Variants in RIC8B observed in about 807,000 individuals in gnomAD.
RIC8B encodes the protein chaperone Ric-8B.
A neutral mutation model predicts 57.5 loss-of-function variants in RIC8B; 16 were observed. That is an observed-to-expected ratio of 0.28 (90% confidence interval 0.19 to 0.42). RIC8B has a LOEUF of 0.42. Among genes scored for constraint, RIC8B ranks in the 10% least tolerant of loss-of-function variants. The pLI is 1.00. For missense variants in RIC8B, 481 were observed against 677.0 expected, an observed-to-expected ratio of 0.71 and a Z score of 3.21; for synonymous variants, 216 against 250.8, an observed-to-expected ratio of 0.86 and a Z score of 1.31.
chr12:106,825,305 T>C (rs552269718), intron 3 of RIC8B, among the ~76,000 whole-genome samples: 1 of 152,288 alleles, frequency 6.6e-6, no homozygotes, highest in South Asian at 2.1e-4. Context: ...AGTTCGTGGA[T>C]TTATTGCTTT....
At chr12:106,843,793 T>C in intron 5 of RIC8B, 59 bp from the exon 6 acceptor site, 1 of 1,231,020 alleles carries the variant, frequency 8.1e-7, no homozygotes, top group Non-Finnish European at 1.2e-6. Flanking sequence ...TGAAGGAAAG[T>C]AATACTGTTA....
chr12:106,819,736 GA>G (rs555149043), intron 3 of RIC8B, among the ~76,000 whole-genome samples: 14,591 of 84,754 alleles, frequency 0.17, 818 homozygotes, highest in Middle Eastern at 0.27. Context: ...AGCGTCTCAG[GA>G]AAAAAAAAAA....
At chr12:106,864,446 T>G (rs1464570352) in intron 8 of RIC8B, among the ~76,000 whole-genome samples, 1 of 152,110 alleles carries the variant, frequency 6.6e-6, no homozygotes, top group Non-Finnish European at 1.5e-5. Context: ...TTCTAAGAAC[T>G]AGACAAATAT....
intron 4 of RIC8B, among the ~76,000 whole-genome samples, chr12:106,833,189 A>G (rs1358873014): frequency 6.6e-6 from 1 of 152,158 alleles, no homozygotes; most frequent in African/African-American, 2.4e-5. Context: ...CATATACCTT[A>G]TATATATATG....
At chr12:106,805,453 C>T (rs2044963956) in intron 2 of RIC8B, among the ~76,000 whole-genome samples, 1 of 152,080 alleles carries the variant, frequency 6.6e-6, no homozygotes, top group African/African-American at 2.4e-5. Context: ...GTCATAATGG[C>T]ACCACTGCAC....
At chr12:106,843,722 CCA>C in intron 5 of RIC8B, 128 bp from the exon 6 acceptor site, 1 of 542,800 alleles carries the variant, frequency 1.8e-6, no homozygotes, top group Non-Finnish European at 3.0e-6. Flanking sequence ...ACTCCCTCTC[CCA>C]AAAAAAAAAA....
intron 8 of RIC8B, among the ~76,000 whole-genome samples, chr12:106,869,041 C>T (rs1344571781): frequency 2.0e-5 from 3 of 152,022 alleles, no homozygotes; most frequent in African/African-American, 7.3e-5. Context: ...AATAAAGGGA[C>T]TCTACGCCCC....
chr12:106,815,525 C>G (rs924532816), intron 3 of RIC8B, among the ~76,000 whole-genome samples: 7 of 152,190 alleles, frequency 4.6e-5, no homozygotes, highest in Non-Finnish European at 7.3e-5. Flanking sequence ...AAATGGACTA[C>G]TATTTTGTAA....
At chr12:106,845,927 C>T (rs373949775) in intron 6 of RIC8B, among the ~76,000 whole-genome samples, 4 of 152,134 alleles carry the variant, frequency 2.6e-5, no homozygotes, top group East Asian at 3.9e-4. Flanking sequence ...GTATTCCCTC[C>T]TCCTTGAAAT....
At chr12:106,823,285 A>G (rs962976464) in intron 3 of RIC8B, 3 of 311,774 alleles carry the variant, frequency 9.6e-6, no homozygotes, top group South Asian at 5.8e-5. Flanking sequence ...AACCTGGAGT[A>G]TGCAAAGGAA....
intron 1 of RIC8B, among the ~76,000 whole-genome samples, chr12:106,782,753 A>G (rs527716290): frequency 6.6e-6 from 1 of 152,264 alleles, no homozygotes; most frequent in Admixed American, 6.5e-5. Flanking sequence ...TATCTTCTTT[A>G]ATTTAAAAAA....
intron 2 of RIC8B, among the ~76,000 whole-genome samples, chr12:106,807,826 C>T (rs1480075022): frequency 2.0e-5 from 3 of 152,182 alleles, no homozygotes. Flanking sequence ...TAGCTCATGC[C>T]TGTAATCCCA....
At position 106,842,747 on chromosome 12, in the gene RIC8B, T is replaced by C; in HGVS notation, c.995T>C (p.Met332Thr). The change falls in exon 5 of 10, where the codon ATG (methionine) becomes ACG (threonine). Residue 332 changes from methionine (M) to threonine (T), a missense_variant. Met to Thr is a moderately conservative substitution (Grantham distance 81). Transcript: ENST00000392837. Reference sequence around the variant, plus strand: ...GAAACAGTTTTGAAAAACAATACCATGGTATACAATGGTATGAATATGGAG... The same window carrying C: ...GAAACAGTTTTGAAAAACAATACCACGGTATACAATGGTATGAATATGGAG... ...EKETVLKNNT[M>T]VYNGMNMEAI... 6.2e-7 allele frequency: 1 copy of C among 1,613,770 alleles called. No homozygotes were observed. The highest frequency in any genetic ancestry group is 8.5e-7 in the Non-Finnish European group (1 of 1,179,728).
chr12:106,791,479 T>C (rs1354939446), intron 2 of RIC8B, among the ~76,000 whole-genome samples: 1 of 152,226 alleles, frequency 6.6e-6, no homozygotes, highest in African/African-American at 2.4e-5. Context: ...ACGTATTCCT[T>C]TTGGGAGAGC....
chr12:106,859,870 G>A (rs73401251), intron 7 of RIC8B, among the ~76,000 whole-genome samples: 1,859 of 152,060 alleles, frequency 0.012, 32 homozygotes, highest in African/African-American at 0.042. Flanking sequence ...TTTACATTAT[G>A]TGCCATATTG....
At chr12:106,864,458 A>G (rs1164926276) in intron 8 of RIC8B, among the ~76,000 whole-genome samples, 1 of 152,098 alleles carries the variant, frequency 6.6e-6, no homozygotes. Flanking sequence ...GACAAATATT[A>G]TATAATCTTC....
intron 9 of RIC8B, among the ~76,000 whole-genome samples, chr12:106,877,789 T>C (rs1185870071): frequency 3.3e-5 from 5 of 152,152 alleles, no homozygotes; most frequent in Admixed American, 6.5e-5. Context: ...GTTAATAAAC[T>C]TTCTTGAAAC....
intron 9 of RIC8B, among the ~76,000 whole-genome samples, chr12:106,871,792 G>A (rs974022274): frequency 2.6e-5 from 4 of 152,138 alleles, no homozygotes; most frequent in Non-Finnish European, 5.9e-5. Context: ...GTAAAGGCTA[G>A]TATCCCTCAG....
intron 2 of RIC8B, 29 bp from the exon 3 acceptor site, chr12:106,814,667 A>G: frequency 6.5e-7 from 1 of 1,549,622 alleles, no homozygotes; most frequent in South Asian, 1.3e-5. Flanking sequence ...CCAAATAATG[A>G]TTTTTGCATA....
Sources: gnomAD v4.1 joint callset for allele counts (sites outside exome capture counted in the v4.1 genomes callset) on GRCh38, gnomAD v4.1.1 for gene constraint, MANE v1.5 for transcripts, NCBI Gene and HGNC (gene_info 2026-07-23, HGNC 2026-07-21) for gene names.